Variants in MARCHF6 observed in about 807,000 individuals in gnomAD.
MARCHF6 encodes the protein membrane associated ring-CH-type finger 6.
In MARCHF6, 31 loss-of-function variants were observed where a neutral mutation model predicts 133.7. The ratio of observed to expected loss-of-function variants is 0.23; its 90% CI spans 0.17 to 0.31. The LOEUF is 0.31. Among genes scored for constraint, MARCHF6 ranks in the 10% least tolerant of loss-of-function variants. The pLI is 1.00. For missense variants in MARCHF6, 723 were observed against 1,121.6 expected (o/e 0.64, Z 5.08); for synonymous variants, 395 against 402.5 (o/e 0.98, Z 0.22).
chr5:10,415,097 A>T (rs536272735), intron 20 of MARCHF6, among the ~76,000 whole-genome samples: 7 of 152,240 alleles, frequency 4.6e-5, no homozygotes, highest in Admixed American at 2.0e-4. Flanking sequence ...TCTACATATT[A>T]AAAGTATTGA....
intron 23 of MARCHF6, among the ~76,000 whole-genome samples, chr5:10,425,976 T>G (rs532394452): frequency 2.0e-5 from 3 of 152,360 alleles, no homozygotes; most frequent in Admixed American, 6.5e-5. Context: ...TTCAGTGTTT[T>G]CTCATCATAC....
chr5:10,419,243 A>T (rs1232405127), intron 22 of MARCHF6, among the ~76,000 whole-genome samples: 1 of 152,208 alleles, frequency 6.6e-6, no homozygotes, highest in Non-Finnish European at 1.5e-5. Context: ...TTTCACTTTC[A>T]GTATAGTATT....
chr5:10,382,126 AG>A, intron 4 of MARCHF6, among the ~76,000 whole-genome samples, 183 bp downstream of exon 4: 1 of 152,364 alleles, frequency 6.6e-6, no homozygotes, highest in South Asian at 2.1e-4. Flanking sequence ...TTAACAGGTC[AG>A]TTTTTTGAGT....
intron 1 of MARCHF6, among the ~76,000 whole-genome samples, chr5:10,359,733 G>A (rs965832706): frequency 3.3e-5 from 5 of 152,226 alleles, no homozygotes; most frequent in African/African-American, 7.2e-5. Context: ...GGCTGGGTGC[G>A]GTGGCTCACG....
At chr5:10,400,987 A>T (rs531869632) in intron 11 of MARCHF6, 145 bp downstream of exon 11, 180 of 598,200 alleles carry the variant, frequency 3.0e-4, no homozygotes, top group South Asian at 1.0e-3. Context: ...ATTCTTTTTT[A>T]AAAAAAATAA....
chr5:10,354,101 T>C, intron 1 of MARCHF6, 184 bp downstream of exon 1: 5 of 435,938 alleles, frequency 1.1e-5, no homozygotes, highest in Non-Finnish European at 1.8e-5. Flanking sequence ...CCCCCGCCGT[T>C]TCCCGCCCGC....
rs144085625 is a variant in MARCHF6, at chr5:10,373,614, C to A, written c.20-4184C>A. 2.0e-5 allele frequency among the ~76,000 whole-genome samples: 3 copies of A among 152,296 alleles called. No individual in the cohort carries two copies. In the East Asian group the frequency reaches 5.8e-4, roughly 29 times the overall value. On this transcript the variant is annotated intron_variant, in intron 1 of 25. Coordinates refer to ENST00000274140, the MANE Select transcript of MARCHF6 (RefSeq NM_005885.4). ...TGCCAGCAGGACTGTCTTTGCCATA[C>A]CCCAGGCCATAGTCAATGGCCGACC...
chr5:10,373,426 T>G (rs191170991), intron 1 of MARCHF6, among the ~76,000 whole-genome samples: 1 of 152,274 alleles, frequency 6.6e-6, no homozygotes, highest in African/African-American at 2.4e-5. Flanking sequence ...CCCTGGAGTT[T>G]GCCACTGCTT....
intron 5 of MARCHF6, among the ~76,000 whole-genome samples, chr5:10,388,333 A>G (rs1579562799): frequency 6.6e-6 from 1 of 152,126 alleles, no homozygotes; most frequent in African/African-American, 2.4e-5. Context: ...TTTCTGAGTA[A>G]TGTTTTACAC....
chr5:10,376,801 A>G (rs993630843), intron 1 of MARCHF6, among the ~76,000 whole-genome samples: 1 of 152,154 alleles, frequency 6.6e-6, no homozygotes, highest in Non-Finnish European at 1.5e-5. Flanking sequence ...CTTGAATCCG[A>G]TGGATGTCAG....
chr5:10,373,009 A>C (rs377467053), intron 1 of MARCHF6, among the ~76,000 whole-genome samples: 2 of 151,244 alleles, frequency 1.3e-5, no homozygotes, highest in Non-Finnish European at 2.9e-5. Flanking sequence ...ACAGTGAGCT[A>C]TGGTGGTGTC....
intron 14 of MARCHF6, among the ~76,000 whole-genome samples, chr5:10,403,084 T>C (rs1579587095): frequency 6.6e-6 from 1 of 152,190 alleles, no homozygotes; most frequent in Non-Finnish European, 1.5e-5. Context: ...GAGATAACAT[T>C]TACCCTCCCA....
chr5:10,413,754 G>T (rs564366148), intron 19 of MARCHF6, among the ~76,000 whole-genome samples: 129 of 152,034 alleles, frequency 8.5e-4, no homozygotes, highest in Admixed American at 3.1e-3. Context: ...AGATCTGGTG[G>T]GACTTAATTC....
intron 23 of MARCHF6, among the ~76,000 whole-genome samples, chr5:10,424,842 G>T (rs1740002083): frequency 6.6e-6 from 1 of 152,186 alleles, no homozygotes; most frequent in Non-Finnish European, 1.5e-5. Context: ...TTACAGAACT[G>T]CCAGATAATT....
chr5:10,398,719 T>A (rs867791540), intron 10 of MARCHF6, among the ~76,000 whole-genome samples: 1 of 152,190 alleles, frequency 6.6e-6, no homozygotes, highest in Non-Finnish European at 1.5e-5. Context: ...GAACTCTGAT[T>A]TATAGAAATC....
At chr5:10,395,473 G>C (rs1413770991) in intron 9 of MARCHF6, among the ~76,000 whole-genome samples, 1 of 152,088 alleles carries the variant, frequency 6.6e-6, no homozygotes, top group African/African-American at 2.4e-5. Flanking sequence ...AACCCCACCT[G>C]TCTTTACCTA....
rs947217809 is a variant in MARCHF6 at position 10,394,700 on chromosome 5, T to A, written c.829-53T>A. 63 of 1,408,028 alleles carry A rather than the reference T, an allele frequency of 4.5e-5. No homozygotes were observed. The African/African-American group carries it at 7.6e-4, about 17-fold the overall frequency. 87.2% of individuals were successfully genotyped at this position (1,408,028 alleles called of 1,614,324 possible). ...AAATGAGGCTTTTCATAAATTAGAA[T>A]AGAAAGTTCTGTTGCATCTTAAATT... On this transcript the variant is annotated intron_variant, in intron 8 of 25. Transcript: ENST00000274140.
At chr5:10,417,799 A>G (rs1739598189) in intron 22 of MARCHF6, among the ~76,000 whole-genome samples, 1 of 151,880 alleles carries the variant, frequency 6.6e-6, no homozygotes, top group Non-Finnish European at 1.5e-5. Flanking sequence ...GCTGGTTTAG[A>G]AAGACTAATT....
chr5:10,385,285 T>A (rs2126713990), intron 4 of MARCHF6, among the ~76,000 whole-genome samples: 1 of 152,276 alleles, frequency 6.6e-6, no homozygotes, highest in Non-Finnish European at 1.5e-5. Flanking sequence ...TTTTAAGAAT[T>A]CACCCATCTG....
Sources: allele counts gnomAD v4.1 joint callset (sites outside exome capture counted in the v4.1 genomes callset), GRCh38; gene constraint gnomAD v4.1.1; transcripts MANE v1.5; gene names NCBI Gene and HGNC (gene_info 2026-07-23, HGNC 2026-07-21).